The following CLASP2 variants were observed in gnomAD, a reference collection of about 807,000 sequenced individuals.
CLASP2 encodes cytoplasmic linker associated protein 2, also known as CLIP-associating protein 2.
A neutral mutation model predicts 194.4 loss-of-function variants in CLASP2; 47 were observed. That is an observed-to-expected ratio of 0.24 (90% CI 0.19 to 0.31). CLASP2 has a LOEUF of 0.31. Ranked by LOEUF, CLASP2 falls within the 10% of genes least tolerant of loss-of-function variation. The pLI is 1.00. For missense variants in CLASP2, 1,445 were observed against 1,823.6 expected (o/e 0.79, Z 3.78); for synonymous variants, 619 against 633.5 (o/e 0.98, Z 0.34).
chr3:33,696,154 G>T (rs1386596335), intron 2 of CLASP2, among the ~76,000 whole-genome samples: 1 of 150,760 alleles, frequency 6.6e-6, no homozygotes, highest in Non-Finnish European at 1.5e-5. Context: ...AAAAAATTGG[G>T]TCTTGTTTTT....
chr3:33,626,787 T>C (rs7433458), intron 10 of CLASP2, among the ~76,000 whole-genome samples: 39,390 of 145,626 alleles, frequency 0.27, 5,696 homozygotes, highest in Admixed American at 0.38. Context: ...AGGCACCACC[T>C]GATCAGCCAA....
At chr3:33,640,912 A>C (rs997769371) in intron 8 of CLASP2, among the ~76,000 whole-genome samples, 1 of 152,064 alleles carries the variant, frequency 6.6e-6, no homozygotes, top group Non-Finnish European at 1.5e-5. Context: ...TGATTTATGG[A>C]TGCCGAAAAT....
intron 26 of CLASP2, among the ~76,000 whole-genome samples, chr3:33,567,665 C>T (rs1162916424): frequency 1.3e-5 from 2 of 152,120 alleles, no homozygotes; most frequent in Non-Finnish European, 2.9e-5. Flanking sequence ...TAAGGGTTTA[C>T]ATGAGGTGGA....
At chr3:33,552,454 A>G (rs995470249) in intron 29 of CLASP2, among the ~76,000 whole-genome samples, 1 of 152,186 alleles carries the variant, frequency 6.6e-6, no homozygotes, top group Non-Finnish European at 1.5e-5. Context: ...GGTGCATGGA[A>G]GGCAGATGTT....
chr3:33,602,025 T>A (rs956226479), intron 18 of CLASP2, among the ~76,000 whole-genome samples: 3 of 151,838 alleles, frequency 2.0e-5, no homozygotes, highest in Non-Finnish European at 4.4e-5. Flanking sequence ...CTTTTTTTTT[T>A]TTTTTTTTGA....
intron 24 of CLASP2, chr3:33,574,604 G>A (rs955221344): frequency 2.7e-5 from 17 of 621,168 alleles, no homozygotes; most frequent in Non-Finnish European, 4.1e-5. Context: ...GAAACATTAC[G>A]TTTTTTTCAC....
intron 18 of CLASP2, among the ~76,000 whole-genome samples, chr3:33,601,631 C>T (rs2072235273): frequency 6.6e-6 from 1 of 151,990 alleles, no homozygotes; most frequent in Admixed American, 6.5e-5. Flanking sequence ...CCTGTCTCAA[C>T]CTGAGATTTG....
rs917342028 is a variant in CLASP2, at chr3:33,576,260, A to G, written c.2363T>C (p.Ile788Thr). 1.2e-6 allele frequency: 2 copies of G among 1,613,478 alleles called. No individual in the cohort carries two copies. The highest frequency in any genetic ancestry group is 1.7e-6 in the Non-Finnish European group (2 of 1,179,540). The change falls in exon 24 of 39, where the codon ATC becomes ACC. Residue 788 changes from isoleucine to threonine, a missense_variant. Physicochemically the swap from Ile to Thr is moderately conservative, Grantham distance 89. This residue lies in a region of CLASP2 where 732 missense variants were observed against 987.9 expected (regional missense o/e 0.74). Transcript: ENST00000682230. ...AGACGACAGTCGACTTGATTGGCTG[A>G]TCCCATAACCTGGACCTAATTCATC... Reference protein sequence around the residue: ...SFQPLGPGYGISQSSRLSSSV... With the variant: ...SFQPLGPGYGTSQSSRLSSSV...
intron 30 of CLASP2, among the ~76,000 whole-genome samples, chr3:33,546,031 G>A (rs2059107601): frequency 6.6e-6 from 1 of 152,078 alleles, no homozygotes; most frequent in Non-Finnish European, 1.5e-5. Flanking sequence ...ATTAATATTT[G>A]CAGTTTGAAA....
intron 9 of CLASP2, among the ~76,000 whole-genome samples, chr3:33,628,695 GA>G (rs1337623246): frequency 2.6e-5 from 4 of 152,070 alleles, no homozygotes; most frequent in African/African-American, 4.8e-5. Flanking sequence ...AATCATTTCG[GA>G]ACTCAGGAGA....
At chr3:33,521,585 G>A (rs771255276) in intron 34 of CLASP2, among the ~76,000 whole-genome samples, 95 of 152,220 alleles carry the variant, frequency 6.2e-4, no homozygotes, top group Non-Finnish European at 9.6e-4. Flanking sequence ...GAGAGCTAAG[G>A]AAAGACTGAA....
chr3:33,578,914 C>A (rs1576687323), intron 23 of CLASP2, among the ~76,000 whole-genome samples: 1 of 152,108 alleles, frequency 6.6e-6, no homozygotes, highest in African/African-American at 2.4e-5. Context: ...TTAGGGCCCT[C>A]AGGCTAAACT....
chr3:33,513,700 TG>T (rs1287168694), intron 36 of CLASP2, among the ~76,000 whole-genome samples: 1 of 152,216 alleles, frequency 6.6e-6, no homozygotes, highest in African/African-American at 2.4e-5. Context: ...GGGTGTTAAG[TG>T]GTCTCTCACT....
intron 18 of CLASP2, chr3:33,602,520 A>G (rs576069183): frequency 3.9e-6 from 3 of 760,394 alleles, no homozygotes; most frequent in East Asian, 2.4e-5. Context: ...GTTTTGGAAT[A>G]TATGTTTAGG....
At chr3:33,507,970 A>G (rs956484944) in intron 37 of CLASP2, among the ~76,000 whole-genome samples, 72 of 149,164 alleles carry the variant, frequency 4.8e-4, no homozygotes, top group East Asian at 2.1e-3. Flanking sequence ...ATATATATAT[A>G]TGTGTGTGTG....
At chr3:33,696,353 C>T (rs951665287) in intron 2 of CLASP2, among the ~76,000 whole-genome samples, 1,238 of 52,820 alleles carry the variant, frequency 0.023, no homozygotes, top group Middle Eastern at 0.036. Context: ...TTCTTTCTTT[C>T]TTTTTTTTTT....
intron 23 of CLASP2, among the ~76,000 whole-genome samples, chr3:33,580,800 G>T (rs1015494852): frequency 8.6e-4 from 131 of 151,960 alleles, no homozygotes; most frequent in African/African-American, 3.0e-3. Flanking sequence ...CGGATCATGA[G>T]GTCAGGAGAT....
At chr3:33,543,337 C>T in intron 32 of CLASP2, 96 bp downstream of exon 32, 1 of 806,364 alleles carries the variant, frequency 1.2e-6, no homozygotes, top group South Asian at 1.6e-5. Flanking sequence ...CACACCACCA[C>T]ACTCCAGCCT....
At chr3:33,670,492 G>C (rs2154337503) in intron 6 of CLASP2, among the ~76,000 whole-genome samples, 1 of 152,260 alleles carries the variant, frequency 6.6e-6, no homozygotes, top group East Asian at 1.9e-4. Context: ...AGCTTGGAAA[G>C]TTGCTACTCT....
Sources: gnomAD v4.1 joint callset for allele counts (sites outside exome capture counted in the v4.1 genomes callset) on GRCh38, gnomAD v4.1.1 for gene constraint, gnomAD v4.1.1 regional missense constraint, MANE v1.5 for transcripts, NCBI Gene and HGNC (gene_info 2026-07-23, HGNC 2026-07-21) for gene names.